The following LUZP2 variants were observed in gnomAD, a reference collection of about 807,000 sequenced individuals.
LUZP2 encodes leucine zipper protein 2.
LUZP2 carries 52 observed loss-of-function variants against 51.6 expected under a neutral mutation model. The observed-to-expected ratio is 1.01, with a 90% CI of 0.81 to 1.27. LUZP2 has a LOEUF of 1.27. Ranked by LOEUF, LUZP2 falls within the 50% of genes most tolerant of loss-of-function variation. The pLI is 0.00. For synonymous variants in LUZP2, 154 were observed against 137.3 expected, an observed-to-expected ratio of 1.12 and a Z score of -0.85; for missense variants, 436 against 395.4, an observed-to-expected ratio of 1.10 and a Z score of -0.87.
In LUZP2 at chr11:25,071,697, ATTAG is replaced by A. The variant is rs200376909; in HGVS notation, c.859-5631_859-5628del. Among the ~76,000 whole-genome samples the A allele has an allele frequency of 1.3e-3, 196 of 150,674 alleles. 2 individuals carry two copies. In the East Asian group the frequency reaches 0.034, roughly 26 times the overall value. ...GGTTGGGGGAGAGGGGAGAGATAGT[ATTAG>A]GAGATATACCTAATGTAAATGACGA... On this transcript the variant is annotated intron_variant, in intron 10 of 11. Transcript: ENST00000336930.
At chr11:24,542,240 T>A (rs911336517) in intron 1 of LUZP2, among the ~76,000 whole-genome samples, 1 of 152,114 alleles carries the variant, frequency 6.6e-6, no homozygotes, top group Non-Finnish European at 1.5e-5. Context: ...CACCCCCCCA[T>A]ACACAAACCA....
intron 7 of LUZP2, among the ~76,000 whole-genome samples, chr11:24,942,891 G>GA (rs1565139996): frequency 1.3e-5 from 2 of 151,930 alleles, no homozygotes; most frequent in Admixed American, 1.3e-4. Flanking sequence ...CTGAATTTAC[G>GA]TTTTATATAA....
chr11:24,893,808 TTTA>T (rs1852935415), intron 5 of LUZP2, among the ~76,000 whole-genome samples: 2 of 151,022 alleles, frequency 1.3e-5, no homozygotes, highest in South Asian at 4.2e-4. Flanking sequence ...ACGCACATGG[TTTA>T]TTATTTTTTA....
intron 9 of LUZP2, 89 bp downstream of exon 9, chr11:24,983,382 C>A: frequency 7.9e-7 from 1 of 1,273,574 alleles, no homozygotes; most frequent in Non-Finnish European, 1.1e-6. Context: ...AGAGTGGATT[C>A]AAGTATGATA....
intron 1 of LUZP2, among the ~76,000 whole-genome samples, chr11:24,682,678 T>C (rs1053507448): frequency 1.9e-4 from 28 of 150,644 alleles, no homozygotes; most frequent in Non-Finnish European, 3.7e-4. Flanking sequence ...TAAATCCATA[T>C]TAAGGAAGGT....
At chr11:24,645,265 C>A (rs936445957) in intron 1 of LUZP2, among the ~76,000 whole-genome samples, 7 of 151,928 alleles carry the variant, frequency 4.6e-5, no homozygotes, top group African/African-American at 1.7e-4. Context: ...CCATTGAAGA[C>A]AAAGAGAAAA....
intron 9 of LUZP2, among the ~76,000 whole-genome samples, chr11:25,026,749 C>T (rs770501897): frequency 2.6e-5 from 4 of 151,974 alleles, no homozygotes; most frequent in Non-Finnish European, 5.9e-5. Flanking sequence ...TGACACATGA[C>T]AAGAGTTCTG....
chr11:24,977,860 G>A (rs7931979), intron 8 of LUZP2, among the ~76,000 whole-genome samples: 56,148 of 149,918 alleles, frequency 0.37, 12,614 homozygotes, highest in East Asian at 0.72. Context: ...TATTTATTAT[G>A]TTTCTCTCTA....
At chr11:24,999,039 C>G (rs1240789243) in intron 9 of LUZP2, among the ~76,000 whole-genome samples, 1 of 152,110 alleles carries the variant, frequency 6.6e-6, no homozygotes, top group Non-Finnish European at 1.5e-5. Context: ...ACTGCCTCAT[C>G]ATATATAATG....
intron 1 of LUZP2, among the ~76,000 whole-genome samples, chr11:24,499,768 A>AAT (rs34021874): frequency 6.3e-4 from 96 of 151,228 alleles, no homozygotes; most frequent in East Asian, 1.6e-3. Context: ...TCTTAATGCA[A>AAT]ATATATATAT....
chr11:24,714,344 T>A (rs986974681), intron 1 of LUZP2, among the ~76,000 whole-genome samples: 8 of 150,152 alleles, frequency 5.3e-5, no homozygotes, highest in Non-Finnish European at 1.0e-4. Flanking sequence ...AAATATGCTT[T>A]TCTTTCTATT....
chr11:25,026,163 G>C (rs1857486103), intron 9 of LUZP2, among the ~76,000 whole-genome samples: 1 of 120,662 alleles, frequency 8.3e-6, no homozygotes, highest in Non-Finnish European at 1.7e-5. Context: ...GAGGGGGGAG[G>C]GATAGCATTA....
chr11:24,965,062 C>T (rs1238052742), intron 7 of LUZP2, among the ~76,000 whole-genome samples: 1 of 150,942 alleles, frequency 6.6e-6, no homozygotes, highest in East Asian at 2.0e-4. Context: ...GCTGAGAAGT[C>T]CCATTAAGAT....
chr11:24,659,013 T>C (rs966176751), intron 1 of LUZP2, among the ~76,000 whole-genome samples: 4 of 151,306 alleles, frequency 2.6e-5, no homozygotes, highest in African/African-American at 4.8e-5. Flanking sequence ...GTCAGTGTGG[T>C]GATTCCTCAG....
intron 5 of LUZP2, chr11:24,786,313 A>G (rs1253587350): frequency 1.0e-6 from 1 of 980,908 alleles, no homozygotes. Context: ...TTATTATTTT[A>G]CCACGGGAAA....
intron 5 of LUZP2, among the ~76,000 whole-genome samples, chr11:24,879,939 C>T (rs1309536908): frequency 6.6e-6 from 1 of 152,180 alleles, no homozygotes; most frequent in Non-Finnish European, 1.5e-5. Context: ...ATGGCACAAG[C>T]ACTTTCACAG....
At chr11:24,939,887 T>G (rs1224393797) in intron 7 of LUZP2, among the ~76,000 whole-genome samples, 1 of 152,190 alleles carries the variant, frequency 6.6e-6, no homozygotes, top group Non-Finnish European at 1.5e-5. Flanking sequence ...ATCACCTTTC[T>G]TCTCAGATTT....
intron 5 of LUZP2, among the ~76,000 whole-genome samples, chr11:24,769,586 A>G (rs1178854100): frequency 6.6e-6 from 1 of 152,190 alleles, no homozygotes; most frequent in African/African-American, 2.4e-5. Context: ...AAAATAATGA[A>G]AAACACATTC....
In LUZP2 at chr11:24,812,453, A is replaced by G. The variant is rs141862360; in HGVS notation, c.396+49145A>G. Reference sequence around the variant, plus strand: ...CAAGCCACCTGAAATATCAATAACAATTTGCCAGTTGCTGTACACATAAAG... The same window carrying G: ...CAAGCCACCTGAAATATCAATAACAGTTTGCCAGTTGCTGTACACATAAAG... On this transcript the variant is annotated intron_variant, in intron 5 of 11. Coordinates refer to ENST00000336930, the MANE Select transcript of LUZP2 (RefSeq NM_001009909.4). Among the ~76,000 whole-genome samples, 176 of 152,270 alleles carry G rather than the reference A, an allele frequency of 1.2e-3. 2 individuals are homozygous for G. Among genetic ancestry groups the G allele is most frequent in the African/African-American group, 4.0e-3 (167 of 41,564 alleles).
Sources: gnomAD v4.1 joint callset for allele counts (sites outside exome capture counted in the v4.1 genomes callset) on GRCh38, gnomAD v4.1.1 for gene constraint, MANE v1.5 for transcripts, NCBI Gene and HGNC (gene_info 2026-07-23, HGNC 2026-07-21) for gene names.